Variants in PCDHGA8 observed in about 807,000 individuals in gnomAD.
The protein encoded by PCDHGA8 is protocadherin gamma-A8.
Under a neutral mutation model 59.2 loss-of-function variants are expected in PCDHGA8, and 45 were observed. The observed-to-expected ratio is 0.76, with a 90% CI of 0.60 to 0.98. The LOEUF is 0.98. Ranked by LOEUF, PCDHGA8 falls within the 50% of genes least tolerant of loss-of-function variation. The pLI is 0.00. For synonymous variants in PCDHGA8, 531 were observed against 519.0 expected, an observed-to-expected ratio of 1.02 and a Z score of -0.32; for missense variants, 1,257 against 1,196.2, an observed-to-expected ratio of 1.05 and a Z score of -0.75.
intron 1 of PCDHGA8, chr5:141,413,972 T>G: frequency 6.2e-7 from 1 of 1,613,420 alleles, no homozygotes; most frequent in Non-Finnish European, 8.5e-7. Context: ...ACTCAGCTGC[T>G]GACAGTCACA....
chr5:141,449,537 C>T (rs1377909573), intron 1 of PCDHGA8, among the ~76,000 whole-genome samples: 1 of 146,330 alleles, frequency 6.8e-6, no homozygotes, highest in Non-Finnish European at 1.5e-5. Flanking sequence ...TGCAGTGAGC[C>T]GAGATCGCAC....
intron 1 of PCDHGA8, among the ~76,000 whole-genome samples, chr5:141,435,794 C>T (rs993951734): frequency 2.6e-5 from 4 of 151,934 alleles, no homozygotes; most frequent in Admixed American, 6.6e-5. Flanking sequence ...GGAAACATAA[C>T]GTCCCAATTA....
chr5:141,423,628 A>G (rs1272272666), intron 1 of PCDHGA8: 2 of 1,604,848 alleles, frequency 1.2e-6, no homozygotes, highest in African/African-American at 1.3e-5. Context: ...CTCAGCTATC[A>G]TTTTAGGCAA....
At chr5:141,420,218 C>T (rs762476625) in intron 1 of PCDHGA8, 11 of 1,608,290 alleles carry the variant, frequency 6.8e-6, no homozygotes, top group Admixed American at 1.7e-5. Flanking sequence ...AGATAGCATG[C>T]TACTGGCTAG....
Position 141,490,600 on chromosome 5 carries a change from T to G in PCDHGA8, c.2425-4207T>G. 6.2e-7 allele frequency: 1 copy of G among 1,614,164 alleles called. No homozygotes were observed. Among genetic ancestry groups the G allele is most frequent in the South Asian group, 1.1e-5 (1 of 91,072 alleles). ...AGATGTCAATGACAATGCACCCCGCTTCAACCAGCAGCTTTACACTGCTTA... is the reference window on the plus strand; with the variant it reads ...AGATGTCAATGACAATGCACCCCGCGTCAACCAGCAGCTTTACACTGCTTA... On this transcript the variant is annotated intron_variant, in intron 1 of 3. Coordinates refer to ENST00000398604, the MANE Select transcript of PCDHGA8 (RefSeq NM_032088.2). The surrounding 1 kb of genome is among the most constrained non-coding windows in gnomAD (Gnocchi z 5.4).
chr5:141,476,666 G>T lies in PCDHGA8; in HGVS notation c.2425-18141G>T. 9 of 1,614,246 alleles carry T rather than the reference G, an allele frequency of 5.6e-6. No homozygotes were observed. Among genetic ancestry groups the T allele is most frequent in the Non-Finnish European group, 7.6e-6 (9 of 1,180,044 alleles). ...CCGAAATGAATACTTTGCGCTTCGC[G>T]TGCAGACGCGGGAGGACAGCACCAA... On this transcript the variant is annotated intron_variant, in intron 1 of 3. Transcript: ENST00000398604. This position sits in a 1 kb window ranked among gnomAD's most constrained non-coding sequence, Gnocchi z 7.6.
intron 1 of PCDHGA8, chr5:141,417,651 A>C: frequency 1.2e-6 from 1 of 822,038 alleles, no homozygotes; most frequent in African/African-American, 1.7e-5. Context: ...CTCAGCCTCT[A>C]GCCTGGGATT....
intron 1 of PCDHGA8, among the ~76,000 whole-genome samples, chr5:141,462,829 G>T (rs770335372): frequency 4.6e-5 from 7 of 152,130 alleles, no homozygotes; most frequent in Non-Finnish European, 8.8e-5. Flanking sequence ...AGCAGACATT[G>T]TAAATGTTAT....
At chr5:141,479,877 T>C (rs967661238) in intron 1 of PCDHGA8, among the ~76,000 whole-genome samples, 2 of 152,188 alleles carry the variant, frequency 1.3e-5, no homozygotes, top group African/African-American at 4.8e-5. Flanking sequence ...GAGAACCCTA[T>C]ACATACTCTC....
chr5:141,470,718 G>A (rs916720866), intron 1 of PCDHGA8, among the ~76,000 whole-genome samples: 2 of 152,022 alleles, frequency 1.3e-5, no homozygotes, highest in Non-Finnish European at 2.9e-5. Flanking sequence ...ATTTTTTTGA[G>A]TCAGGGTCTT....
intron 1 of PCDHGA8, chr5:141,410,343 G>A (rs890241182): frequency 6.2e-7 from 1 of 1,613,964 alleles, no homozygotes; most frequent in Non-Finnish European, 8.5e-7. Flanking sequence ...ATTGCCTTGC[G>A]CCTGCGACGC....
At chr5:141,406,421 A>G (rs981815055) in intron 1 of PCDHGA8, among the ~76,000 whole-genome samples, 2 of 152,222 alleles carry the variant, frequency 1.3e-5, no homozygotes, top group East Asian at 1.9e-4. Flanking sequence ...GAAAGCCCAG[A>G]TTTATTGCTT....
At chr5:141,443,467 C>T (rs2098389901) in intron 1 of PCDHGA8, among the ~76,000 whole-genome samples, 2 of 152,156 alleles carry the variant, frequency 1.3e-5, no homozygotes, top group African/African-American at 4.8e-5. Context: ...GTCTGGGTGA[C>T]AGAATTAGAC....
chr5:141,504,161 T>C (rs931754061), intron 2 of PCDHGA8, among the ~76,000 whole-genome samples: 1 of 152,196 alleles, frequency 6.6e-6, no homozygotes, highest in Non-Finnish European at 1.5e-5. Context: ...AATAATTTCA[T>C]CCTTGGAAAT....
At chr5:141,421,993 A>G in intron 1 of PCDHGA8, 1 of 1,609,190 alleles carries the variant, frequency 6.2e-7, no homozygotes, top group South Asian at 1.1e-5. Flanking sequence ...TCCAGAAAAC[A>G]TCAGCTCCGG....
At chr5:141,399,375 C>A (rs548275013) in intron 1 of PCDHGA8, 2 of 1,614,016 alleles carry the variant, frequency 1.2e-6, no homozygotes, top group Non-Finnish European at 1.7e-6. Context: ...AGTACAATGT[C>A]ACCATCACAG....
At position 141,392,917 on chromosome 5, in the gene PCDHGA8, T is replaced by C; in HGVS notation, c.104T>C (p.Val35Ala). The change falls in exon 1 of 4, where the codon GTG becomes GCG. Residue 35 changes from valine (V) to alanine (A), a missense_variant. Physicochemically the swap from Val to Ala is moderately conservative, Grantham distance 64. Coordinates refer to ENST00000398604, the MANE Select transcript of PCDHGA8 (RefSeq NM_032088.2). Reference protein sequence around the residue: ...EIGRGQIRYSVPEETDKGSFV... With the variant: ...EIGRGQIRYSAPEETDKGSFV... ...GGGAGGGGACAGATTCGCTACTCTG[T>C]GCCAGAAGAGACGGACAAAGGCTCC... The C allele has an allele frequency of 2.5e-6, 4 of 1,613,922 alleles. No homozygotes were observed. The highest frequency in any genetic ancestry group is 3.4e-6 in the Non-Finnish European group (4 of 1,179,894).
At position 141,491,825 on chromosome 5, in the gene PCDHGA8, C is replaced by A. The variant is rs948385010; in HGVS notation, c.2425-2982C>A. ...CGGCTTGGTCGCTGGCTGCGCTCCA[C>A]CCGATTCTCGGGATCATTGGACCGT... On this transcript the variant is annotated intron_variant, in intron 1 of 3. Coordinates refer to ENST00000398604, the MANE Select transcript of PCDHGA8 (RefSeq NM_032088.2). This position sits in a 1 kb window ranked among gnomAD's most constrained non-coding sequence, Gnocchi z 6.9. 145 of 1,478,052 alleles carry A rather than the reference C, an allele frequency of 9.8e-5. No homozygotes were observed. Among genetic ancestry groups the A allele is most frequent in the Non-Finnish European group, 1.3e-4 (142 of 1,114,822 alleles). 91.6% of individuals were successfully genotyped at this position (1,478,052 alleles called of 1,614,324 possible). A position where few individuals can be genotyped will look rare whatever the true frequency, so the allele number is the denominator to read the frequency against.
intron 1 of PCDHGA8, chr5:141,418,613 C>T (rs759701663): frequency 9.9e-6 from 16 of 1,613,892 alleles, no homozygotes; most frequent in Non-Finnish European, 1.4e-5. Context: ...GGTTAGCCTT[C>T]GGGAAGACGT....
Sources: allele counts gnomAD v4.1 joint callset (sites outside exome capture counted in the v4.1 genomes callset), GRCh38; gene constraint gnomAD v4.1.1; non-coding constraint Gnocchi (gnomAD v3.1); transcripts MANE v1.5; gene names NCBI Gene and HGNC (gene_info 2026-07-23, HGNC 2026-07-21).